The following LRP1B variants were observed in gnomAD, a reference collection of about 807,000 sequenced individuals.
The protein encoded by LRP1B is low-density lipoprotein receptor-related protein 1B.
Under a neutral mutation model 556.6 loss-of-function variants are expected in LRP1B, and 217 were observed. The ratio of observed to expected loss-of-function variants is 0.39; its 90% CI spans 0.35 to 0.44. The LOEUF is 0.44. Among genes scored for constraint, LRP1B ranks in the 20% least tolerant of loss-of-function variants. The pLI is 1.00. For missense variants in LRP1B, 5,053 were observed against 5,620.8 expected (o/e 0.90, Z 3.23); for synonymous variants, 2,047 against 1,865.8 (o/e 1.10, Z -2.50).
intron 43 of LRP1B, chr2:140,586,507 T>A (rs1180685735): frequency 6.6e-6 from 1 of 152,188 alleles, no homozygotes; most frequent in Non-Finnish European, 1.5e-5. Context: ...CTGATGGTAA[T>A]GAAGTGTCCA....
intron 1 of LRP1B, among the ~76,000 whole-genome samples, chr2:141,975,106 T>C (rs989363814): frequency 2.6e-5 from 4 of 152,056 alleles, no homozygotes; most frequent in African/African-American, 4.8e-5. Flanking sequence ...CTTATCCAAA[T>C]TAAATTAGAG....
At chr2:141,602,946 A>G (rs1298361106) in intron 2 of LRP1B, among the ~76,000 whole-genome samples, 1 of 152,206 alleles carries the variant, frequency 6.6e-6, no homozygotes, top group Non-Finnish European at 1.5e-5. Flanking sequence ...AGTATTGAAT[A>G]CAGATTATCT....
chr2:140,844,044 C>T (rs1270736011), intron 29 of LRP1B, among the ~76,000 whole-genome samples: 1 of 151,840 alleles, frequency 6.6e-6, no homozygotes, highest in Non-Finnish European at 1.5e-5. Flanking sequence ...TAAATACGTA[C>T]TCAAGCAATC....
chr2:140,488,620 T>C (rs1407933022), intron 57 of LRP1B, among the ~76,000 whole-genome samples: 4 of 152,038 alleles, frequency 2.6e-5, no homozygotes, highest in Non-Finnish European at 5.9e-5. Context: ...TCTGACTTAT[T>C]GTTAAAGATT....
intron 3 of LRP1B, among the ~76,000 whole-genome samples, chr2:141,341,788 A>G (rs1235388360): frequency 1.3e-5 from 2 of 152,194 alleles, no homozygotes; most frequent in Non-Finnish European, 2.9e-5. Context: ...TGTCAGCATC[A>G]TAAGATGGAA....
At chr2:141,814,064 G>A (rs1388372213) in intron 1 of LRP1B, among the ~76,000 whole-genome samples, 1 of 152,154 alleles carries the variant, frequency 6.6e-6, no homozygotes, top group African/African-American at 2.4e-5. Context: ...GAGAGCTTTA[G>A]TGACATTTCA....
intron 2 of LRP1B, among the ~76,000 whole-genome samples, chr2:141,597,029 G>C (rs550925049): frequency 6.8e-6 from 1 of 147,426 alleles, no homozygotes; most frequent in Non-Finnish European, 1.5e-5. Flanking sequence ...ATACATACAC[G>C]CACAAACACA....
chr2:142,080,851 G>A (rs1705686419), intron 1 of LRP1B, among the ~76,000 whole-genome samples: 1 of 152,086 alleles, frequency 6.6e-6, no homozygotes, highest in African/African-American at 2.4e-5. Flanking sequence ...CAAACCTAAT[G>A]TATATTATAC....
At chr2:140,705,194 C>A (rs1686786357) in intron 37 of LRP1B, among the ~76,000 whole-genome samples, 1 of 151,878 alleles carries the variant, frequency 6.6e-6, no homozygotes, top group Non-Finnish European at 1.5e-5. Flanking sequence ...TTTTCCTTAG[C>A]TATAAGATGC....
At chr2:140,719,420 A>G (rs868659399) in intron 35 of LRP1B, among the ~76,000 whole-genome samples, 26 of 152,234 alleles carry the variant, frequency 1.7e-4, no homozygotes, top group South Asian at 1.2e-3. Context: ...AATAAAAAAA[A>G]AAAGGTACCC....
At chr2:141,288,903 C>T (rs188636136) in intron 3 of LRP1B, among the ~76,000 whole-genome samples, 1 of 152,244 alleles carries the variant, frequency 6.6e-6, no homozygotes, top group Non-Finnish European at 1.5e-5. Flanking sequence ...GCTTTATTCC[C>T]ACTAGAAAGT....
chr2:141,384,023 A>C (rs1689738939), intron 3 of LRP1B, among the ~76,000 whole-genome samples: 1 of 152,134 alleles, frequency 6.6e-6, no homozygotes, highest in South Asian at 2.1e-4. Context: ...ACACACAAAA[A>C]AGCTACCATA....
chr2:140,989,888 ATTCTT>A (rs1697038844), intron 16 of LRP1B, among the ~76,000 whole-genome samples: 1 of 152,118 alleles, frequency 6.6e-6, no homozygotes, highest in Non-Finnish European at 1.5e-5. Flanking sequence ...AAGGAAATGT[ATTCTT>A]TTTTTATGTC....
chr2:140,541,272 A>T (rs558149072), intron 44 of LRP1B, among the ~76,000 whole-genome samples, 174 bp from the exon 45 acceptor site: 1 of 152,172 alleles, frequency 6.6e-6, no homozygotes, highest in Non-Finnish European at 1.5e-5. Flanking sequence ...ACATTACAAA[A>T]GTATGTAACA....
intron 2 of LRP1B, among the ~76,000 whole-genome samples, chr2:141,679,192 G>A (rs1371423524): frequency 2.0e-5 from 3 of 152,112 alleles, no homozygotes; most frequent in African/African-American, 7.2e-5. Context: ...ACACGAGTAA[G>A]CCTGGGTGAA....
rs1298772334 is a variant in LRP1B, at chr2:140,610,521, C to T, written c.6800-8882G>A. Among the ~76,000 whole-genome samples the T allele has an allele frequency of 2.6e-5, 4 of 152,154 alleles. No individual in the cohort carries two copies. The East Asian group carries it at 7.7e-4, about 29-fold the overall frequency. ...GGTTTCAGCTAATAGCTTTGAATCC[C>T]CGCCCTACCACTTTACTAGCTATAT... On this transcript the variant is annotated intron_variant, in intron 41 of 90. Coordinates refer to ENST00000389484, the MANE Select transcript of LRP1B (RefSeq NM_018557.3).
Position 140,297,847 on chromosome 2 carries a change from G to T in LRP1B, c.12928C>A (p.His4310Asn), listed in dbSNP as rs1683669919. ...TCTCCGGTGTATTCCGGCTGGCAGT[G>T]GCAGTAAGGCTGGTTTCCAGCAGTC... ...IVTAGNQPYC[H>N]CQPEYTGDRC... is the part of the protein sequence containing the mutation. Residue 4310 changes from histidine to asparagine, a missense_variant, in exon 84 of 91, where the codon CAC (histidine) becomes AAC (asparagine). Around this residue, in one of 5 missense-constraint regions of LRP1B, gnomAD observed 551 missense variants for 592.0 expected, o/e 0.93. Transcript: ENST00000389484. 2 of 1,613,722 alleles carry T rather than the reference G, an allele frequency of 1.2e-6. No individual in the cohort carries two copies. Among genetic ancestry groups the T allele is most frequent in the Non-Finnish European group, 1.7e-6 (2 of 1,179,876 alleles).
chr2:140,355,365 A>C (rs1178757527), intron 75 of LRP1B, among the ~76,000 whole-genome samples: 1 of 151,962 alleles, frequency 6.6e-6, no homozygotes, highest in Non-Finnish European at 1.5e-5. Flanking sequence ...TAACTAAAAC[A>C]CAGAAAACCT....
intron 6 of LRP1B, among the ~76,000 whole-genome samples, chr2:141,201,870 A>G (rs1005170452): frequency 9.2e-5 from 14 of 152,184 alleles, no homozygotes; most frequent in Non-Finnish European, 1.5e-4. Flanking sequence ...TCAGTCTGTT[A>G]AAAGAAATTG....
Sources: gnomAD v4.1 joint callset for allele counts (sites outside exome capture counted in the v4.1 genomes callset) on GRCh38, gnomAD v4.1.1 for gene constraint, gnomAD v4.1.1 regional missense constraint, MANE v1.5 for transcripts, NCBI Gene and HGNC (gene_info 2026-07-23, HGNC 2026-07-21) for gene names.